The following SLC13A1 variants were observed in gnomAD, a reference collection of about 807,000 sequenced individuals.
SLC13A1 encodes Na(+)/sulfate cotransporter.
Under a neutral mutation model 70.0 loss-of-function variants are expected in SLC13A1, and 65 were observed. The ratio of observed to expected loss-of-function variants is 0.93; its 90% confidence interval spans 0.76 to 1.14. SLC13A1 has a LOEUF of 1.14. Ranked by LOEUF, SLC13A1 falls within the 50% of genes most tolerant of loss-of-function variation. The pLI, the probability that SLC13A1 is intolerant of heterozygous loss-of-function variation, is 0.00. For missense variants in SLC13A1, 726 were observed against 717.8 expected (o/e 1.01, Z -0.13); for synonymous variants, 275 against 250.5 (o/e 1.10, Z -0.92).
intron 8 of SLC13A1, among the ~76,000 whole-genome samples, chr7:123,133,723 G>T (rs1361897501): frequency 6.6e-6 from 1 of 151,892 alleles, no homozygotes; most frequent in African/African-American, 2.4e-5. Context: ...GTAGAGATGG[G>T]ATTTCACCAT....
intron 14 of SLC13A1, 46 bp downstream of exon 14, chr7:123,117,425 C>T (rs1793215019): frequency 6.3e-7 from 1 of 1,579,440 alleles, no homozygotes; most frequent in South Asian, 1.1e-5. Context: ...ATGGCACACA[C>T]CAAGATGTGT....
intron 12 of SLC13A1, among the ~76,000 whole-genome samples, chr7:123,122,791 A>G (rs916288650): frequency 2.6e-5 from 4 of 152,134 alleles, no homozygotes; most frequent in South Asian, 2.1e-4. Context: ...AACGAAAAGT[A>G]TATTTCACTA....
At chr7:123,136,499 G>T (rs1430705797) in intron 7 of SLC13A1, among the ~76,000 whole-genome samples, 3 of 152,176 alleles carry the variant, frequency 2.0e-5, no homozygotes, top group Admixed American at 6.5e-5. Flanking sequence ...TGCAAGTGAA[G>T]AGACTTCAAA....
At chr7:123,164,348 G>A (rs1467177637) in intron 6 of SLC13A1, among the ~76,000 whole-genome samples, 1 of 151,584 alleles carries the variant, frequency 6.6e-6, no homozygotes, top group Non-Finnish European at 1.5e-5. Flanking sequence ...TATTGCCTTT[G>A]GGGAGAAATA....
intron 1 of SLC13A1, among the ~76,000 whole-genome samples, chr7:123,198,409 A>C (rs1397751015): frequency 6.7e-6 from 1 of 148,534 alleles, no homozygotes; most frequent in African/African-American, 2.5e-5. Flanking sequence ...TATTATTTAC[A>C]AATTCTGTAC....
At chr7:123,147,534 AT>A (rs1297217831) in intron 6 of SLC13A1, among the ~76,000 whole-genome samples, 2 of 138,508 alleles carry the variant, frequency 1.4e-5, no homozygotes, top group African/African-American at 5.7e-5. Context: ...AGAGAGCTTG[AT>A]TCCTCTCTCT....
At position 123,117,514 on chromosome 7, in the gene SLC13A1, T is replaced by G; in HGVS notation, c.1607A>C (p.Asn536Thr). 1 of 1,613,400 alleles carries G rather than the reference T, an allele frequency of 6.2e-7. No homozygotes were observed. The highest frequency in any genetic ancestry group is 8.5e-7 in the Non-Finnish European group (1 of 1,179,532). Residue 536 changes from asparagine (N) to threonine (T), a missense_variant, in exon 14 of 15, where the codon AAT (asparagine) becomes ACT (threonine). Transcript: ENST00000194130. The part of the protein sequence containing the change: ...AFLLPVANPP[N>T]AIVFSYGHLK... The stretch of plus-strand genomic sequence containing the variant: ...ATGACCATATGAAAAGACAATAGCA[T>G]TGGGTGGATTTGCTACTGGTAGGAG...
At chr7:123,168,644 G>T in intron 4 of SLC13A1, 83 bp from the exon 5 acceptor site, 1 of 942,508 alleles carries the variant, frequency 1.1e-6, no homozygotes, top group Non-Finnish European at 1.6e-6. Context: ...GAAGATGGAA[G>T]CATTAGTAGA....
chr7:123,184,351 T>C (rs1316725444), intron 1 of SLC13A1, among the ~76,000 whole-genome samples: 1 of 152,092 alleles, frequency 6.6e-6, no homozygotes, highest in Admixed American at 6.6e-5. Flanking sequence ...AGTCACCATG[T>C]TGTACAATAA....
chr7:123,180,891 C>T (rs976999249), intron 2 of SLC13A1, 82 bp downstream of exon 2: 1 of 1,439,420 alleles, frequency 6.9e-7, no homozygotes, highest in African/African-American at 1.4e-5. Context: ...GAGATGATTG[C>T]TCCCTTTAAA....
At chr7:123,149,972 C>T (rs1794497982) in intron 6 of SLC13A1, among the ~76,000 whole-genome samples, 1 of 151,990 alleles carries the variant, frequency 6.6e-6, no homozygotes, top group Admixed American at 6.6e-5. Flanking sequence ...ATGAAAATTC[C>T]AACTGATTTA....
intron 1 of SLC13A1, among the ~76,000 whole-genome samples, chr7:123,189,218 T>C (rs1347757375): frequency 1.3e-5 from 2 of 151,940 alleles, no homozygotes; most frequent in East Asian, 3.9e-4. Flanking sequence ...TATTTTTGTA[T>C]AGGAATCTAA....
intron 10 of SLC13A1, among the ~76,000 whole-genome samples, chr7:123,128,611 T>C (rs1793646232): frequency 6.6e-6 from 1 of 152,204 alleles, no homozygotes; most frequent in South Asian, 2.1e-4. Flanking sequence ...TAATTTTGTC[T>C]AATGGACTTT....
intron 10 of SLC13A1, among the ~76,000 whole-genome samples, chr7:123,127,638 T>G (rs1793604038): frequency 6.6e-6 from 1 of 152,020 alleles, no homozygotes; most frequent in African/African-American, 2.4e-5. Flanking sequence ...TTTATAAAAA[T>G]GAAGCTGATG....
Position 123,149,150 on chromosome 7 carries a change from G to A in SLC13A1, c.661-1840C>T, listed in dbSNP as rs1414817090. Among the ~76,000 whole-genome samples the A allele has an allele frequency of 2.0e-5, 3 of 152,028 alleles. No individual in the cohort carries two copies. In the East Asian group the frequency reaches 5.8e-4, roughly 29 times the overall value. On this transcript the variant is annotated intron_variant, in intron 6 of 14. Transcript: ENST00000194130. Reference sequence around the variant, plus strand: ...GTGATAGTCTACCTGGTCTCTTTATGTTGAAATCCACTTATGCTGTCAAAA... The same window carrying A: ...GTGATAGTCTACCTGGTCTCTTTATATTGAAATCCACTTATGCTGTCAAAA...
At chr7:123,157,740 C>A (rs995416169) in intron 6 of SLC13A1, among the ~76,000 whole-genome samples, 1 of 152,060 alleles carries the variant, frequency 6.6e-6, no homozygotes, top group Admixed American at 6.6e-5. Context: ...TAAAAACAAT[C>A]TTTTAAAGTG....
chr7:123,120,270 G>A (rs1055929869), intron 12 of SLC13A1, among the ~76,000 whole-genome samples: 3 of 152,002 alleles, frequency 2.0e-5, no homozygotes, highest in African/African-American at 7.2e-5. Flanking sequence ...AACTTCCTGA[G>A]AATTGGTATA....
At chr7:123,171,598 A>G (rs1206137032) in intron 3 of SLC13A1, among the ~76,000 whole-genome samples, 170 bp downstream of exon 3, 3 of 152,112 alleles carry the variant, frequency 2.0e-5, no homozygotes, top group Non-Finnish European at 4.4e-5. Context: ...TTTTCCTCCT[A>G]CAACTCAAGT....
chr7:123,199,958 G>C lies in SLC13A1; in HGVS notation c.-12C>G. The C allele has an allele frequency of 6.3e-7, 1 of 1,592,260 alleles. No homozygotes were observed. The highest frequency in any genetic ancestry group is 8.6e-7 in the Non-Finnish European group (1 of 1,162,298). On this transcript the variant is annotated 5_prime_UTR_variant, in exon 1 of 15. Coordinates refer to ENST00000194130, the MANE Select transcript of SLC13A1 (RefSeq NM_022444.4). ...CTGAAGAATTTCATTGTCCTGAGCAGGTGGCTTCAATAGTGTCCTCCAAAT... is the reference window on the plus strand; with the variant it reads ...CTGAAGAATTTCATTGTCCTGAGCACGTGGCTTCAATAGTGTCCTCCAAAT...
Sources: gnomAD v4.1 joint callset for allele counts (sites outside exome capture counted in the v4.1 genomes callset) on GRCh38, gnomAD v4.1.1 for gene constraint, MANE v1.5 for transcripts, NCBI Gene and HGNC (gene_info 2026-07-23, HGNC 2026-07-21) for gene names.